MGRN1: variants seen among roughly 807,000 people sequenced by gnomAD.
The protein encoded by MGRN1 is E3 ubiquitin-protein ligase MGRN1.
MGRN1 carries 29 observed loss-of-function variants against 69.2 expected under a neutral mutation model. That is an observed-to-expected ratio of 0.42 (90% confidence interval 0.31 to 0.57). The LOEUF is 0.57. Among genes scored for constraint, MGRN1 ranks in the 20% least tolerant of loss-of-function variants. The pLI, the probability that MGRN1 is intolerant of heterozygous loss-of-function variation, is 0.15. For missense variants in MGRN1, 998 were observed against 796.2 expected, an observed-to-expected ratio of 1.25 and a Z score of -3.05; for synonymous variants, 470 against 344.2, an observed-to-expected ratio of 1.37 and a Z score of -4.04.
chr16:4,673,415 G>A (rs1037242163), intron 9 of MGRN1, 83 bp from the exon 10 acceptor site: 9 of 1,535,946 alleles, frequency 5.9e-6, no homozygotes, highest in East Asian at 2.3e-5. Context: ...GGGTGGAGTG[G>A]GGTGGGACAG....
intron 16 of MGRN1, chr16:4,687,205 C>T: frequency 1.1e-6 from 1 of 938,828 alleles, no homozygotes; most frequent in Non-Finnish European, 1.2e-6. Flanking sequence ...TGGCATCCCC[C>T]ATCCCCCCCA....
At chr16:4,636,057 C>T (rs565267670) in intron 1 of MGRN1, among the ~76,000 whole-genome samples, 3 of 152,158 alleles carry the variant, frequency 2.0e-5, no homozygotes, top group Admixed American at 1.3e-4. Context: ...CTGCCTCGGC[C>T]TCTGCAAGTG....
chr16:4,682,738 C>T (rs1044045255), intron 13 of MGRN1, 85 bp from the exon 14 acceptor site: 41 of 1,413,000 alleles, frequency 2.9e-5, no homozygotes, highest in Non-Finnish European at 3.7e-5. Context: ...TGCAGGGGCC[C>T]CCAGGTGCCC....
chr16:4,673,000 G>C (rs1015738993), intron 9 of MGRN1, among the ~76,000 whole-genome samples: 1 of 151,910 alleles, frequency 6.6e-6, no homozygotes, highest in South Asian at 2.1e-4. Context: ...CACCATGCCC[G>C]GCTAATTTTT....
rs559460787 is a variant in MGRN1, at chr16:4,665,602, C to T, written c.678+451C>T. Among the ~76,000 whole-genome samples the T allele has an allele frequency of 4.6e-5, 7 of 151,486 alleles. No individual in the cohort carries two copies. In the South Asian group the frequency reaches 1.0e-3, roughly 23 times the overall value. On this transcript the variant is annotated intron_variant, in intron 7 of 16. Transcript: ENST00000262370. ...CAGACTGGTCTCAAACTCCTGACCTCAAGTGATCCACCTGCCACGGCCTCC... is the reference window on the plus strand; with the variant it reads ...CAGACTGGTCTCAAACTCCTGACCTTAAGTGATCCACCTGCCACGGCCTCC...
At chr16:4,682,548 G>A (rs932589657) in intron 13 of MGRN1, among the ~76,000 whole-genome samples, 1 of 152,212 alleles carries the variant, frequency 6.6e-6, no homozygotes, top group African/African-American at 2.4e-5. Context: ...GGAACCACCA[G>A]CGGTTTCTCT....
chr16:4,671,552 C>A, intron 9 of MGRN1, 93 bp downstream of exon 9: 1 of 1,202,474 alleles, frequency 8.3e-7, no homozygotes. Context: ...CCTTCCATGC[C>A]TTCCCCTGGA....
At chr16:4,667,600 C>G (rs1377564323) in intron 7 of MGRN1, among the ~76,000 whole-genome samples, 2 of 152,212 alleles carry the variant, frequency 1.3e-5, no homozygotes, top group African/African-American at 2.4e-5. Flanking sequence ...CTGGAAATTT[C>G]TGTTAGAACC....
At chr16:4,656,531 A>G (rs2078542126) in intron 4 of MGRN1, among the ~76,000 whole-genome samples, 1 of 152,192 alleles carries the variant, frequency 6.6e-6, no homozygotes, top group South Asian at 2.1e-4. Flanking sequence ...AGCAGGCGTG[A>G]GGGTTGGGGA....
rs1045519 is a variant in MGRN1, at chr16:4,690,443, C to T, written c.*1535C>T. 78,051 of 151,614 alleles carry T rather than the reference C, an allele frequency of 0.51. 20,408 individuals carry two copies. Among genetic ancestry groups the T allele is most frequent in the East Asian group, 0.64 (3,297 of 5,116 alleles). 9.4% of individuals were successfully genotyped at this position (151,614 alleles called of 1,614,324 possible). A position where few individuals can be genotyped will look rare whatever the true frequency, so the allele number is the denominator to read the frequency against. ...TCACGGTGGCTCCGAGCATGAGGTC[C>T]GCCTCCTGGGCGAGACCCAGCAGTG... is the stretch of plus-strand genomic sequence containing the variant. On this transcript the variant is annotated 3_prime_UTR_variant, in exon 17 of 17. Coordinates refer to ENST00000262370, the MANE Select transcript of MGRN1 (RefSeq NM_015246.4).
At chr16:4,663,391 T>TTTTTTAA (rs150893432) in intron 5 of MGRN1, among the ~76,000 whole-genome samples, 1 of 123,176 alleles carries the variant, frequency 8.1e-6, no homozygotes, top group African/African-American at 2.7e-5. Context: ...TTTTTTTTTT[T>TTTTTTAA]ACACCTTTAT....
rs368781016 is a variant in MGRN1 at position 4,681,644 on chromosome 16, C to T, written c.1226C>T (p.Pro409Leu). Residue 409 changes from proline to leucine, a missense_variant, in exon 13 of 17, where the codon CCT becomes CTT. By Grantham distance (98) the Pro-to-Leu change is moderately conservative. Transcript: ENST00000262370. The part of the protein sequence containing the change: ...RAVSPAIPSA[P>L]LYEEITYSGI... The stretch of plus-strand genomic sequence containing the variant: ...GTCTCCCCGGCCATCCCCTCGGCCC[C>T]TCTTTATGAAGAAATCACCTATTCA... 4.3e-6 allele frequency: 7 copies of T among 1,613,436 alleles called. No homozygotes were observed. In the African/African-American group the frequency reaches 9.3e-5, roughly 22 times the overall value.
chr16:4,660,685 G>C (rs887091419), intron 5 of MGRN1, among the ~76,000 whole-genome samples: 1 of 152,238 alleles, frequency 6.6e-6, no homozygotes, highest in Non-Finnish European at 1.5e-5. Context: ...GCCGGTGCGC[G>C]AACTCCCCAT....
chr16:4,679,125 A>AT (rs2079119624), intron 11 of MGRN1, among the ~76,000 whole-genome samples: 1 of 152,094 alleles, frequency 6.6e-6, no homozygotes, highest in South Asian at 2.1e-4. Context: ...GTTGGCTTTG[A>AT]TTCGGAAACG....
At chr16:4,673,055 G>A (rs1169444690) in intron 9 of MGRN1, among the ~76,000 whole-genome samples, 1 of 152,102 alleles carries the variant, frequency 6.6e-6, no homozygotes, top group Non-Finnish European at 1.5e-5. Flanking sequence ...AGCCAGGATG[G>A]TCTCGATCTC....
intron 5 of MGRN1, among the ~76,000 whole-genome samples, chr16:4,657,584 G>T (rs1412158936): frequency 6.6e-6 from 1 of 152,198 alleles, no homozygotes; most frequent in Admixed American, 6.5e-5. Context: ...CGACCAGGCA[G>T]CCGCACTCGG....
At chr16:4,655,255 G>A (rs111754334) in intron 4 of MGRN1, among the ~76,000 whole-genome samples, 5 of 152,154 alleles carry the variant, frequency 3.3e-5, no homozygotes, top group African/African-American at 9.7e-5. Context: ...TGCTCCAGCT[G>A]TCAGGGGCTG....
At chr16:4,629,737 C>CA (rs58368787) in intron 1 of MGRN1, among the ~76,000 whole-genome samples, 2,666 of 110,784 alleles carry the variant, frequency 0.024, 83 homozygotes, top group African/African-American at 0.075. Flanking sequence ...GACACCGTCT[C>CA]AAAAAAAAAA....
intron 1 of MGRN1, among the ~76,000 whole-genome samples, chr16:4,628,399 AAAAAG>A (rs1340908502): frequency 9.9e-5 from 15 of 152,044 alleles, no homozygotes; most frequent in Non-Finnish European, 8.8e-5. Context: ...AAAAAAAAAA[AAAAAG>A]GAGGGGACAT....
Sources: allele counts gnomAD v4.1 joint callset (sites outside exome capture counted in the v4.1 genomes callset), GRCh38; gene constraint gnomAD v4.1.1; transcripts MANE v1.5; gene names NCBI Gene and HGNC (gene_info 2026-07-23, HGNC 2026-07-21).